LPP: variants seen among roughly 807,000 people sequenced by gnomAD.
LPP encodes lipoma-preferred partner.
In LPP, 38 loss-of-function variants were observed where a neutral mutation model predicts 60.4. The observed-to-expected ratio is 0.63, with a 90% confidence interval of 0.49 to 0.83. The LOEUF (loss-of-function observed/expected upper bound fraction) is 0.83. Among genes scored for constraint, LPP ranks in the 40% least tolerant of loss-of-function variants. LPP has a pLI of 0.00. For synonymous variants in LPP, 328 were observed against 290.8 expected, an observed-to-expected ratio of 1.13 and a Z score of -1.30; for missense variants, 902 against 783.6, an observed-to-expected ratio of 1.15 and a Z score of -1.80.
intron 8 of LPP, among the ~76,000 whole-genome samples, chr3:188,738,659 G>T (rs1379486491): frequency 2.0e-5 from 3 of 152,122 alleles, no homozygotes; most frequent in African/African-American, 7.2e-5. Context: ...AAGTCTCTTA[G>T]TTGCTACACC....
intron 3 of LPP, among the ~76,000 whole-genome samples, chr3:188,344,675 A>T (rs374030496): frequency 2.0e-5 from 3 of 152,200 alleles, no homozygotes; most frequent in African/African-American, 7.2e-5. Context: ...GTGGAAAATT[A>T]GTTATTTTTC....
In LPP at chr3:188,609,369, C is replaced by T. The variant is rs757969779; in HGVS notation, c.638C>T (p.Ala213Val). Residue 213 changes from alanine to valine, a missense_variant, in exon 7 of 12, where the codon GCC (alanine) becomes GTC (valine). By Grantham distance (64) the Ala-to-Val change is moderately conservative. Coordinates refer to ENST00000617246, the MANE Select transcript of LPP (RefSeq NM_001375462.1). The surrounding 1 kb of genome is among the most constrained non-coding windows in gnomAD (Gnocchi z 6.9). Reference sequence around the variant, plus strand: ...CCAGTCCCAGCCTCCTACACCACGGCCTCCACTTCTTCAAGGCCTACCTTT... The same window carrying T: ...CCAGTCCCAGCCTCCTACACCACGGTCTCCACTTCTTCAAGGCCTACCTTT... ...PQPVPASYTT[A>V]STSSRPTFNV... 23 of 1,614,058 alleles carry T rather than the reference C, an allele frequency of 1.4e-5. No homozygotes were observed. The highest frequency in any genetic ancestry group is 5.3e-5 in the African/African-American group (4 of 74,930).
At chr3:188,221,241 G>A (rs1018106228) in intron 1 of LPP, among the ~76,000 whole-genome samples, 1 of 152,086 alleles carries the variant, frequency 6.6e-6, no homozygotes, top group Non-Finnish European at 1.5e-5. Flanking sequence ...CTCCTCATCC[G>A]TGGAAATCCT....
At chr3:188,232,370 G>A (rs944343307) in intron 2 of LPP, among the ~76,000 whole-genome samples, 2 of 150,644 alleles carry the variant, frequency 1.3e-5, no homozygotes, top group Non-Finnish European at 3.0e-5. Context: ...TTTTTGAGAT[G>A]GAGTCTCACT....
In LPP at chr3:188,230,914, G is replaced by C. The variant is rs1189619944; in HGVS notation, c.-67+5387G>C. ...GCTGGACCTGCAGTCTCACCGGAAG[G>C]CTGAACTCCGGGGAAGATCTACTTG... On this transcript the variant is annotated intron_variant, in intron 2 of 11. Transcript: ENST00000617246. Among the ~76,000 whole-genome samples, 4 of 152,336 alleles carry C rather than the reference G, an allele frequency of 2.6e-5. No homozygotes were observed. The East Asian group carries it at 7.7e-4, about 29-fold the overall frequency.
chr3:188,497,358 T>C (rs1810545506), intron 5 of LPP, among the ~76,000 whole-genome samples: 1 of 152,220 alleles, frequency 6.6e-6, no homozygotes, highest in Non-Finnish European at 1.5e-5. Flanking sequence ...TCATAGCATT[T>C]CTAAACAAGT....
intron 4 of LPP, among the ~76,000 whole-genome samples, chr3:188,464,106 T>G (rs1383719208): frequency 6.6e-6 from 1 of 152,212 alleles, no homozygotes; most frequent in Non-Finnish European, 1.5e-5. Flanking sequence ...AAAGCAGGTA[T>G]GTGTTGAGGT....
intron 8 of LPP, chr3:188,710,079 CA>C (rs888773704): frequency 1.3e-5 from 2 of 152,128 alleles, no homozygotes; most frequent in Non-Finnish European, 2.9e-5. Flanking sequence ...AGTAAAGGCA[CA>C]AAGATGGGGA....
At chr3:188,640,633 T>A (rs1365776180) in intron 7 of LPP, among the ~76,000 whole-genome samples, 1 of 151,608 alleles carries the variant, frequency 6.6e-6, no homozygotes, top group Non-Finnish European at 1.5e-5. Flanking sequence ...GCAATATGGG[T>A]ATCTTTTTTA....
In LPP at chr3:188,886,737, T is replaced by TAC. The variant is rs755287902; in HGVS notation, c.*12285_*12286dup. 1,932 of 190,258 alleles carry TAC rather than the reference T, an allele frequency of 0.01. 6 individuals are homozygous for TAC. The highest frequency in any genetic ancestry group is 0.012 in the African/African-American group (425 of 35,704). 11.8% of individuals were successfully genotyped at this position (190,258 alleles called of 1,614,324 possible). A position where few individuals can be genotyped will look rare whatever the true frequency, so the allele number is the denominator to read the frequency against. ...TCTTCAAAACACACACACACACACA[T>TAC]ACACACACACACACACACACACACA... On this transcript the variant is annotated 3_prime_UTR_variant, in exon 12 of 12. Transcript: ENST00000617246.
At chr3:188,530,325 A>C (rs1421539646) in intron 6 of LPP, among the ~76,000 whole-genome samples, 1 of 152,244 alleles carries the variant, frequency 6.6e-6, no homozygotes, top group Non-Finnish European at 1.5e-5. Flanking sequence ...ATGACGCTGC[A>C]TGGATTTATG....
chr3:188,403,826 C>G (rs892506377), intron 3 of LPP, among the ~76,000 whole-genome samples: 1 of 152,114 alleles, frequency 6.6e-6, no homozygotes, highest in Admixed American at 6.5e-5. Flanking sequence ...ATGGTCCCTA[C>G]CCTTTTAAGG....
At chr3:188,809,420 T>A (rs1376207335) in intron 9 of LPP, among the ~76,000 whole-genome samples, 1 of 152,230 alleles carries the variant, frequency 6.6e-6, no homozygotes, top group Non-Finnish European at 1.5e-5. Context: ...TGATTTGCAT[T>A]TATCTAATGA....
At chr3:188,552,452 A>G (rs115383666) in intron 6 of LPP, among the ~76,000 whole-genome samples, 217 of 152,300 alleles carry the variant, frequency 1.4e-3, no homozygotes, top group African/African-American at 5.1e-3. Flanking sequence ...TTAGTTTTCT[A>G]TTATTGCTGT....
intron 9 of LPP, among the ~76,000 whole-genome samples, chr3:188,827,209 C>T (rs1755788416): frequency 6.6e-6 from 1 of 152,122 alleles, no homozygotes. Context: ...TAGATAGGAC[C>T]ATTCCAGATC....
intron 2 of LPP, among the ~76,000 whole-genome samples, chr3:188,336,922 A>T (rs901285256): frequency 7.2e-5 from 11 of 152,102 alleles, no homozygotes; most frequent in African/African-American, 2.7e-4. Context: ...GGGGGACATG[A>T]CTTTTCTAGG....
intron 6 of LPP, among the ~76,000 whole-genome samples, chr3:188,608,924 A>G (rs1347742210): frequency 6.6e-6 from 1 of 152,060 alleles, no homozygotes; most frequent in Non-Finnish European, 1.5e-5. Context: ...TGCTACTGTA[A>G]GTAGAATTTT....
chr3:188,887,179 C>A lies in LPP; in HGVS notation c.*12700C>A. On this transcript the variant is annotated 3_prime_UTR_variant, in exon 12 of 12. Coordinates refer to ENST00000617246, the MANE Select transcript of LPP (RefSeq NM_001375462.1). ...GAAGTCTGAATGTCGTTCCTCACCCCCAAATTGTTTAACTCTGCTTCCAAA... is the reference window on the plus strand; with the variant it reads ...GAAGTCTGAATGTCGTTCCTCACCCACAAATTGTTTAACTCTGCTTCCAAA... 1 of 225,932 alleles carries A rather than the reference C, an allele frequency of 4.4e-6. No homozygotes were observed. The allele number at this position is 225,932 out of a possible 1,614,324, so 14.0% of individuals were successfully genotyped here.
chr3:188,784,518 CAT>C (rs368937991), intron 9 of LPP, among the ~76,000 whole-genome samples: 1,372 of 3,748 alleles, frequency 0.37, 11 homozygotes, highest in South Asian at 0.41. Flanking sequence ...TATATTCCAT[CAT>C]ATATATATAT....
Sources: gnomAD v4.1 joint callset for allele counts (sites outside exome capture counted in the v4.1 genomes callset) on GRCh38, gnomAD v4.1.1 for gene constraint, Gnocchi (gnomAD v3.1) non-coding constraint, MANE v1.5 for transcripts, NCBI Gene and HGNC (gene_info 2026-07-23, HGNC 2026-07-21) for gene names.